The following HNRNPR variants were observed in gnomAD, a reference collection of about 807,000 sequenced individuals.
HNRNPR encodes heterogeneous nuclear ribonucleoprotein R.
A neutral mutation model predicts 70.3 loss-of-function variants in HNRNPR; 4 were observed. The ratio of observed to expected loss-of-function variants is 0.06; its 90% CI spans 0.03 to 0.13. The LOEUF is 0.13. HNRNPR is among the 10% of genes least tolerant of loss of function. HNRNPR has a pLI of 1.00. For synonymous variants in HNRNPR, 241 were observed against 267.6 expected (o/e 0.90, Z 0.97); for missense variants, 423 against 788.5 (o/e 0.54, Z 5.55).
chr1:23,333,674 T>C (rs1163543565), intron 4 of HNRNPR, 43 bp from the exon 5 acceptor site: 2 of 1,098,036 alleles, frequency 1.8e-6, no homozygotes. Flanking sequence ...GTACTAAATC[T>C]CACACACAAG....
intron 1 of HNRNPR, among the ~76,000 whole-genome samples, chr1:23,343,185 C>T (rs188230866): frequency 8.5e-5 from 13 of 152,104 alleles, no homozygotes; most frequent in African/African-American, 3.1e-4. Flanking sequence ...TTGATCTAAA[C>T]ATTTTTGCAA....
At chr1:23,316,093 G>A (rs1645533341) in intron 8 of HNRNPR, among the ~76,000 whole-genome samples, 1 of 152,158 alleles carries the variant, frequency 6.6e-6, no homozygotes, top group African/African-American at 2.4e-5. Context: ...AATCTTCAGT[G>A]AATTGTAAAT....
At chr1:23,331,422 A>G (rs896635568) in intron 5 of HNRNPR, among the ~76,000 whole-genome samples, 6 of 147,384 alleles carry the variant, frequency 4.1e-5, no homozygotes, top group African/African-American at 9.9e-5. Context: ...AAAAAAAAAA[A>G]TAGCTGGGCT....
In HNRNPR at chr1:23,336,116, CAA is replaced by C. The variant is rs71020498; in HGVS notation, c.384+1636_384+1637del. On this transcript the variant is annotated intron_variant, in intron 4 of 10. Transcript: ENST00000302271. ...TGGGCGACAGAGCGAGACTCCGTCT[CAA>C]AAAAAAAAAAAAAAGTCTATCACAG... is the stretch of plus-strand genomic sequence containing the variant. 4.0e-5 allele frequency among the ~76,000 whole-genome samples: 2 copies of C among 49,480 alleles called. 1 individual carries two copies. Among genetic ancestry groups the C allele is most frequent in the Non-Finnish European group, 7.9e-5 (2 of 25,172 alleles). The allele number at this position is 49,480 out of a possible 152,430, so 32.5% of individuals were successfully genotyped here.
chr1:23,341,074 G>T, intron 1 of HNRNPR, 57 bp from the exon 2 acceptor site: 1 of 1,302,928 alleles, frequency 7.7e-7, no homozygotes, highest in Admixed American at 2.1e-5. Flanking sequence ...CTAGTTTGTA[G>T]GACAATGCAT....
chr1:23,307,418 A>C lies in HNRNPR; in HGVS notation c.*3036T>G, dbSNP rs1645218642. On this transcript the variant is annotated 3_prime_UTR_variant, in exon 11 of 11. Transcript: ENST00000302271. ...GAATTCATCTCCTAAGTCAGATTTC[A>C]AAGTCAAAAGAGAGAAAAATTATCT... is the stretch of plus-strand genomic sequence containing the variant. 1.3e-5 allele frequency: 2 copies of C among 152,046 alleles called. No individual in the cohort carries two copies. Among genetic ancestry groups the C allele is most frequent in the Admixed American group, 6.6e-5 (1 of 15,266 alleles). The allele number at this position is 152,046 out of a possible 1,614,324, so 9.4% of individuals were successfully genotyped here.
chr1:23,316,755 TAGG>T (rs1645562173), intron 8 of HNRNPR, among the ~76,000 whole-genome samples: 1 of 152,158 alleles, frequency 6.6e-6, no homozygotes, highest in African/African-American at 2.4e-5. Flanking sequence ...ATAGTTGTAT[TAGG>T]AGAAGAAACA....
chr1:23,332,006 T>G (rs1239783453), intron 5 of HNRNPR, among the ~76,000 whole-genome samples: 1 of 151,110 alleles, frequency 6.6e-6, no homozygotes, highest in Non-Finnish European at 1.5e-5. Context: ...GTGGCAGGCA[T>G]CTGTAGTCCC....
At chr1:23,322,606 AATC>A (rs1244352844) in intron 6 of HNRNPR, among the ~76,000 whole-genome samples, 5 of 152,240 alleles carry the variant, frequency 3.3e-5, no homozygotes, top group Non-Finnish European at 7.3e-5. Flanking sequence ...TTAAAAATAA[AATC>A]ATCCATATGC....
intron 9 of HNRNPR, among the ~76,000 whole-genome samples, chr1:23,312,169 T>G (rs1293440316): frequency 6.6e-6 from 1 of 152,164 alleles, no homozygotes; most frequent in Non-Finnish European, 1.5e-5. Flanking sequence ...TTTATAAGTA[T>G]CTAGACAAAA....
intron 3 of HNRNPR, 61 bp downstream of exon 3, chr1:23,338,425 AAAGT>A (rs1167514729): frequency 6.1e-6 from 4 of 654,384 alleles, no homozygotes; most frequent in South Asian, 5.7e-5. Flanking sequence ...CATAGGAAAA[AAAGT>A]AATAGTAAAA....
At position 23,307,405 on chromosome 1, in the gene HNRNPR, T is replaced by C. The variant is rs1645218491; in HGVS notation, c.*3049A>G. 2.0e-5 allele frequency: 3 copies of C among 152,026 alleles called. No individual in the cohort carries two copies. The highest frequency in any genetic ancestry group is 7.2e-5 in the African/African-American group (3 of 41,426). 9.4% of individuals were successfully genotyped at this position (152,026 alleles called of 1,614,324 possible). A position where few individuals can be genotyped will look rare whatever the true frequency, so the allele number is the denominator to read the frequency against. On this transcript the variant is annotated 3_prime_UTR_variant, in exon 11 of 11. Transcript: ENST00000302271. The stretch of plus-strand genomic sequence containing the variant: ...ACCTTTTTAAAAAGAATTCATCTCC[T>C]AAGTCAGATTTCAAAGTCAAAAGAG...
chr1:23,330,226 A>G (rs1646159512), intron 5 of HNRNPR, among the ~76,000 whole-genome samples: 1 of 152,110 alleles, frequency 6.6e-6, no homozygotes, highest in African/African-American at 2.4e-5. Flanking sequence ...TACTGCTTAC[A>G]TTAATGGAAA....
At chr1:23,314,794 T>C (rs1369301235) in intron 8 of HNRNPR, among the ~76,000 whole-genome samples, 1 of 152,182 alleles carries the variant, frequency 6.6e-6, no homozygotes, top group African/African-American at 2.4e-5. Context: ...ATCTTAACAA[T>C]TACAGATATA....
rs1488239844 is a variant in HNRNPR, at chr1:23,323,747, C to T, written c.499-15G>A. On this transcript the variant is annotated splice_polypyrimidine_tract_variant and intron_variant, in intron 5 of 10. Coordinates refer to ENST00000302271, the MANE Select transcript of HNRNPR (RefSeq NM_005826.5). ...CCTACAAATACCTGAAATAAAACCCCCTTATTAGAATCCAACATAAGCATT... is the reference window on the plus strand; with the variant it reads ...CCTACAAATACCTGAAATAAAACCCTCTTATTAGAATCCAACATAAGCATT... The T allele has an allele frequency of 1.2e-6, 2 of 1,609,334 alleles. No individual in the cohort carries two copies. Among genetic ancestry groups the T allele is most frequent in the Non-Finnish European group, 1.7e-6 (2 of 1,175,796 alleles).
Position 23,311,334 on chromosome 1 carries a change from T to C in HNRNPR, c.1168-12A>G, listed in dbSNP as rs372880474. ...ATTTCATCCATAGCCTATAAAAAAT[T>C]AGAAAAATTATTTTACAACGATATA... On this transcript the variant is annotated splice_polypyrimidine_tract_variant and intron_variant, in intron 9 of 10. Transcript: ENST00000302271. 9.0e-5 allele frequency: 135 copies of C among 1,503,332 alleles called. No homozygotes were observed. The highest frequency in any genetic ancestry group is 1.8e-4 in the Middle Eastern group (1 of 5,686). 93.1% of individuals were successfully genotyped at this position (1,503,332 alleles called of 1,614,324 possible).
intron 8 of HNRNPR, among the ~76,000 whole-genome samples, chr1:23,314,176 A>G (rs983059959): frequency 6.6e-6 from 1 of 152,048 alleles, no homozygotes; most frequent in Non-Finnish European, 1.5e-5. Context: ...TTAAATTAGA[A>G]AAAAAGGAGA....
chr1:23,329,428 T>G (rs1394893450), intron 5 of HNRNPR, among the ~76,000 whole-genome samples: 1 of 152,206 alleles, frequency 6.6e-6, no homozygotes, highest in East Asian at 1.9e-4. Flanking sequence ...TCATTCTGGA[T>G]CCATGTGAGC....
chr1:23,324,440 C>T (rs939586486), intron 5 of HNRNPR, among the ~76,000 whole-genome samples: 8 of 152,056 alleles, frequency 5.3e-5, no homozygotes, highest in African/African-American at 1.7e-4. Context: ...TGGTGGCAGG[C>T]GCCTGTACTC....
Sources: allele counts gnomAD v4.1 joint callset (sites outside exome capture counted in the v4.1 genomes callset), GRCh38; gene constraint gnomAD v4.1.1; transcripts MANE v1.5; gene names NCBI Gene and HGNC (gene_info 2026-07-23, HGNC 2026-07-21).